Variants in MAP2K3 observed in about 807,000 individuals in gnomAD.
MAP2K3 encodes the protein dual specificity mitogen-activated protein kinase kinase 3.
MAP2K3 carries 30 observed loss-of-function variants against 46.4 expected under a neutral mutation model. The observed-to-expected ratio is 0.65, with a 90% CI of 0.48 to 0.88. The LOEUF is 0.88. MAP2K3 is among the 40% of genes least tolerant of loss of function. MAP2K3 has a pLI of 0.00. For synonymous variants in MAP2K3, 189 were observed against 176.3 expected, an observed-to-expected ratio of 1.07 and a Z score of -0.57; for missense variants, 380 against 464.5, an observed-to-expected ratio of 0.82 and a Z score of 1.67.
chr17:21,303,485 G>A (rs35709275), intron 7 of MAP2K3, among the ~76,000 whole-genome samples: 6,007 of 149,708 alleles, frequency 0.04, no homozygotes, highest in African/African-American at 0.06. Context: ...CTGATGTATA[G>A]TTTACAAATC....
chr17:21,313,020 C>T (rs1191752232), intron 10 of MAP2K3, among the ~76,000 whole-genome samples: 4 of 152,006 alleles, frequency 2.6e-5, no homozygotes, highest in East Asian at 1.9e-4. Flanking sequence ...AAGGAAGAAG[C>T]GGCCGGGTGC....
rs1369410480 is a variant in MAP2K3 at position 21,311,618 on chromosome 17, G to GTGTGTA, written c.775-519_775-518insATGTGT. 10 of 75,082 alleles carry GTGTGTA rather than the reference G, an allele frequency of 1.3e-4. 1 individual carries two copies. The highest frequency in any genetic ancestry group is 1.0e-3 in the Admixed American group (10 of 9,774). The allele number at this position is 75,082 out of a possible 1,614,324, so 4.7% of individuals were successfully genotyped here. A position where few individuals can be genotyped will look rare whatever the true frequency, so the allele number is the denominator to read the frequency against. ...CGGCCTTGGAGACAGCTGTGTGTGT[G>GTGTGTA]TGTGTGTGTGTGTGTGTGTGTGTGT... is the stretch of plus-strand genomic sequence containing the variant. On this transcript the variant is annotated intron_variant, in intron 9 of 11. Transcript: ENST00000342679.
intron 7 of MAP2K3, among the ~76,000 whole-genome samples, 196 bp from the exon 8 acceptor site, chr17:21,304,230 C>T (rs1475361823): frequency 6.6e-6 from 1 of 152,312 alleles, no homozygotes; most frequent in African/African-American, 2.4e-5. Context: ...GTATGACTCT[C>T]AGCTGGCCCG....
chr17:21,286,798 T>G (rs1975735407), intron 1 of MAP2K3, among the ~76,000 whole-genome samples: 1 of 152,332 alleles, frequency 6.6e-6, no homozygotes, highest in African/African-American at 2.4e-5. Flanking sequence ...CTTCTAGATG[T>G]GGACCCAGGT....
chr17:21,287,916 C>A lies in MAP2K3; in HGVS notation c.49+2947C>A, dbSNP rs948204811. 7.1e-6 allele frequency: 5 copies of A among 705,512 alleles called. No individual in the cohort carries two copies. The African/African-American group carries it at 7.3e-5, about 10-fold the overall frequency. 43.7% of individuals were successfully genotyped at this position (705,512 alleles called of 1,614,324 possible). A position where few individuals can be genotyped will look rare whatever the true frequency, so the allele number is the denominator to read the frequency against. ...CCTAGCCCTGCCTGCTGTGGCCACC[C>A]CCCCAACCCCTGGCTGTCGGAAAGA... On this transcript the variant is annotated intron_variant, in intron 1 of 11. Transcript: ENST00000342679.
chr17:21,313,961 G>A, intron 11 of MAP2K3, 186 bp from the exon 12 acceptor site: 1 of 634,530 alleles, frequency 1.6e-6, no homozygotes, highest in Non-Finnish European at 2.8e-6. Flanking sequence ...CCACAAGAGA[G>A]CTGAGGAGGA....
chr17:21,314,662 G>T lies in MAP2K3; in HGVS notation c.*432G>T. ...ATGGACTTTGCACACTTTGGCCCAGGGTGGCCACACCTCTATCCCGGCTTT... is the reference window on the plus strand; with the variant it reads ...ATGGACTTTGCACACTTTGGCCCAGTGTGGCCACACCTCTATCCCGGCTTT... On this transcript the variant is annotated 3_prime_UTR_variant, in exon 12 of 12. Coordinates refer to ENST00000342679, the MANE Select transcript of MAP2K3 (RefSeq NM_145109.3). 5.6e-6 allele frequency: 1 copy of T among 180,170 alleles called. No individual in the cohort carries two copies. The highest frequency in any genetic ancestry group is 1.1e-4 in the South Asian group (1 of 8,882). The allele number at this position is 180,170 out of a possible 1,614,324, so 11.2% of individuals were successfully genotyped here.
chr17:21,295,237 A>C (rs531919197), intron 1 of MAP2K3, among the ~76,000 whole-genome samples: 1 of 152,298 alleles, frequency 6.6e-6, no homozygotes, highest in Non-Finnish European at 1.5e-5. Context: ...GGGAGGAGAT[A>C]GGGCAGAGCT....
At chr17:21,297,275 T>A (rs954012708) in intron 1 of MAP2K3, among the ~76,000 whole-genome samples, 7 of 152,310 alleles carry the variant, frequency 4.6e-5, no homozygotes, top group African/African-American at 1.7e-4. Context: ...ACTGGGGTCT[T>A]CTTGGCAGGC....
In MAP2K3 at chr17:21,303,258, G is replaced by A. The variant is rs756562050; in HGVS notation, c.568+24G>A. ...AGGTCAGTGCCCGGCAGCCACCCAGGCACGGTGTAGCCAGTGGGAGGGATC... is the reference window on the plus strand; with the variant it reads ...AGGTCAGTGCCCGGCAGCCACCCAGACACGGTGTAGCCAGTGGGAGGGATC... On this transcript the variant is annotated intron_variant, in intron 7 of 11. Transcript: ENST00000342679. 93 of 1,613,426 alleles carry A rather than the reference G, an allele frequency of 5.8e-5. No individual in the cohort carries two copies. In the South Asian group the frequency reaches 8.2e-4, roughly 14 times the overall value.
intron 1 of MAP2K3, among the ~76,000 whole-genome samples, chr17:21,292,895 A>G (rs925585867): frequency 6.6e-6 from 1 of 152,310 alleles, no homozygotes; most frequent in African/African-American, 2.4e-5. Context: ...GATCCTCACC[A>G]ATTCCATGTG....
chr17:21,294,109 G>A (rs1260513664), intron 1 of MAP2K3, among the ~76,000 whole-genome samples: 3 of 152,310 alleles, frequency 2.0e-5, no homozygotes. Context: ...CCCACTTCTC[G>A]GGGCCTCAGT....
At chr17:21,298,731 G>T in intron 2 of MAP2K3, 147 bp from the exon 3 acceptor site, 1 of 1,241,838 alleles carries the variant, frequency 8.1e-7, no homozygotes, top group Non-Finnish European at 1.2e-6. Flanking sequence ...ATGCTCAGCA[G>T]CCAGTGAGAG....
chr17:21,313,189 T>G (rs1977244769), intron 10 of MAP2K3, among the ~76,000 whole-genome samples: 2 of 152,158 alleles, frequency 1.3e-5, no homozygotes, highest in Non-Finnish European at 2.9e-5. Context: ...GGATACCAAG[T>G]GTGTGACTGT....
At chr17:21,294,606 C>A (rs1274055062) in intron 1 of MAP2K3, among the ~76,000 whole-genome samples, 1 of 152,312 alleles carries the variant, frequency 6.6e-6, no homozygotes, top group East Asian at 1.9e-4. Context: ...CACCGTGTGG[C>A]CTCTCTAAGT....
At chr17:21,303,781 T>C (rs567814258) in intron 7 of MAP2K3, among the ~76,000 whole-genome samples, 2 of 152,430 alleles carry the variant, frequency 1.3e-5, no homozygotes, top group Non-Finnish European at 2.9e-5. Flanking sequence ...TTTTCCAGAT[T>C]TACTGCTTTT....
At chr17:21,313,444 G>T in intron 10 of MAP2K3, 48 bp from the exon 11 acceptor site, 1 of 1,577,712 alleles carries the variant, frequency 6.3e-7, no homozygotes, top group Non-Finnish European at 8.7e-7. Flanking sequence ...CTTGGGGGCT[G>T]GGCTTCCTCC....
chr17:21,312,136 C>T lies in MAP2K3; in HGVS notation c.775-6C>T, dbSNP rs375515698. On this transcript the variant is annotated splice_region_variant and splice_polypyrimidine_tract_variant and intron_variant, in intron 9 of 11. Transcript: ENST00000342679. ...CGGGGCCTCTGACCCCCTGTCCCCG[C>T]TGCAGATTGAGATGGCCATCCTGCG... 9.1e-6 allele frequency: 14 copies of T among 1,540,408 alleles called. No homozygotes were observed. In the African/African-American group the frequency reaches 1.1e-4, roughly 12 times the overall value.
intron 1 of MAP2K3, among the ~76,000 whole-genome samples, chr17:21,289,671 C>T (rs1975829548): frequency 6.6e-6 from 1 of 152,236 alleles, no homozygotes; most frequent in Non-Finnish European, 1.5e-5. Context: ...AAGCAGTGGC[C>T]CTGGAAACCT....
Sources: gnomAD v4.1 joint callset for allele counts (sites outside exome capture counted in the v4.1 genomes callset) on GRCh38, gnomAD v4.1.1 for gene constraint, MANE v1.5 for transcripts, NCBI Gene and HGNC (gene_info 2026-07-23, HGNC 2026-07-21) for gene names.